SDK1: variants seen among roughly 807,000 people sequenced by gnomAD.
SDK1 encodes protein sidekick-1.
Under a neutral mutation model 245.5 loss-of-function variants are expected in SDK1, and 157 were observed. The ratio of observed to expected loss-of-function variants is 0.64; its 90% CI spans 0.56 to 0.73. The LOEUF is 0.73. Among genes scored for constraint, SDK1 ranks in the 30% least tolerant of loss-of-function variants. The pLI is 0.00. For missense variants in SDK1, 3,583 were observed against 3,002.3 expected (o/e 1.19, Z -4.52); for synonymous variants, 1,647 against 1,278.5 (o/e 1.29, Z -6.15).
intron 1 of SDK1, among the ~76,000 whole-genome samples, chr7:3,345,710 C>T (rs914787729): frequency 2.0e-5 from 3 of 152,220 alleles, no homozygotes; most frequent in Non-Finnish European, 4.4e-5. Flanking sequence ...CCAGGCGATG[C>T]CTTGCCGTCT....
chr7:4,204,017 C>G (rs1404702973), intron 35 of SDK1, among the ~76,000 whole-genome samples: 2 of 152,238 alleles, frequency 1.3e-5, no homozygotes, highest in African/African-American at 4.8e-5. Context: ...ACAGACCCAC[C>G]AGTTCCTACA....
chr7:3,508,861 T>C (rs1413745546), intron 1 of SDK1, among the ~76,000 whole-genome samples: 1 of 152,170 alleles, frequency 6.6e-6, no homozygotes, highest in Non-Finnish European at 1.5e-5. Context: ...TATTTGGGGA[T>C]GGATAAATGA....
chr7:3,998,898 C>G (rs955862772), intron 14 of SDK1, among the ~76,000 whole-genome samples: 8 of 152,172 alleles, frequency 5.3e-5, no homozygotes, highest in African/African-American at 1.9e-4. Context: ...CCATGTGTCC[C>G]TTTATGCCTT....
At chr7:4,195,865 A>C (rs7783393) in intron 35 of SDK1, among the ~76,000 whole-genome samples, 16,516 of 152,062 alleles carry the variant, frequency 0.11, 1,775 homozygotes, top group African/African-American at 0.28. Flanking sequence ...CAAGCCTGCT[A>C]ACATGTGCCC....
At position 3,680,355 on chromosome 7, in the gene SDK1, CAG is replaced by C. The variant is rs140184779; in HGVS notation, c.713+38251_713+38252del. 1.2e-3 allele frequency among the ~76,000 whole-genome samples: 179 copies of C among 152,206 alleles called. 1 individual carries two copies. The highest frequency in any genetic ancestry group is 4.2e-3 in the African/African-American group (174 of 41,520). The stretch of plus-strand genomic sequence containing the variant: ...TGGATGTGAATTTAGGTGGACAGCA[CAG>C]GGGATCTTTGTCGTGGTAGGACAGT... On this transcript the variant is annotated intron_variant, in intron 4 of 44. Coordinates refer to ENST00000404826, the MANE Select transcript of SDK1 (RefSeq NM_152744.4).
At chr7:4,209,916 GA>G in intron 37 of SDK1, 108 bp from the exon 38 acceptor site, 1 of 1,068,064 alleles carries the variant, frequency 9.4e-7, no homozygotes, top group South Asian at 2.3e-5. Flanking sequence ...TTACTGAGTT[GA>G]AAATAACATC....
intron 28 of SDK1, among the ~76,000 whole-genome samples, chr7:4,140,877 G>C (rs1359352967): frequency 6.6e-6 from 1 of 152,186 alleles, no homozygotes; most frequent in Non-Finnish European, 1.5e-5. Context: ...TGAGGCAGAA[G>C]GATCGCTTGA....
At chr7:3,742,930 C>T (rs1293981290) in intron 4 of SDK1, among the ~76,000 whole-genome samples, 3 of 152,130 alleles carry the variant, frequency 2.0e-5, no homozygotes, top group African/African-American at 7.2e-5. Context: ...GCAAATTGTA[C>T]GTCATCAGTG....
chr7:4,079,516 G>T lies in SDK1; in HGVS notation c.3256G>T (p.Ala1086Ser). ...LVISNISPRS[A>S]TLQFRPGYDG... is the part of the protein sequence containing the mutation. Reference sequence around the variant, plus strand: ...CATTTCCAACATCAGCCCTCGCTCCGCCACCCTTCAGTTCCGGCCAGGCTA... The same window carrying T: ...CATTTCCAACATCAGCCCTCGCTCCTCCACCCTTCAGTTCCGGCCAGGCTA... The change falls in exon 22 of 45, where the codon GCC becomes TCC. Residue 1086 changes from alanine (A) to serine (S), a missense_variant. Physicochemically the swap from Ala to Ser is moderately conservative, Grantham distance 99. Coordinates refer to ENST00000404826, the MANE Select transcript of SDK1 (RefSeq NM_152744.4). 6.2e-7 allele frequency: 1 copy of T among 1,614,128 alleles called. No homozygotes were observed. Among genetic ancestry groups the T allele is most frequent in the Non-Finnish European group, 8.5e-7 (1 of 1,180,032 alleles).
At chr7:3,819,281 TAAAAGA>T (rs1435591996) in intron 4 of SDK1, among the ~76,000 whole-genome samples, 11 of 151,788 alleles carry the variant, frequency 7.2e-5, no homozygotes, top group East Asian at 1.9e-4. Context: ...AATTAAAAAC[TAAAAGA>T]AAAAGATAAG....
At chr7:3,905,113 G>A (rs568753583) in intron 5 of SDK1, among the ~76,000 whole-genome samples, 59 of 151,642 alleles carry the variant, frequency 3.9e-4, no homozygotes, top group African/African-American at 1.4e-3. Context: ...AGTATAATCA[G>A]CACCTTTTTT....
chr7:3,633,789 A>G (rs1406866301), intron 2 of SDK1, among the ~76,000 whole-genome samples: 2 of 152,130 alleles, frequency 1.3e-5, no homozygotes, highest in East Asian at 1.9e-4. Context: ...GAGCTGTTGC[A>G]TGGATGGATA....
At chr7:3,343,300 C>G (rs547249498) in intron 1 of SDK1, among the ~76,000 whole-genome samples, 7 of 152,246 alleles carry the variant, frequency 4.6e-5, no homozygotes, top group African/African-American at 1.4e-4. Context: ...ATTATTGAAC[C>G]ACAGTACTTC....
intron 9 of SDK1, 78 bp from the exon 10 acceptor site, chr7:3,967,240 C>G (rs572794667): frequency 1.8e-6 from 2 of 1,100,998 alleles, no homozygotes; most frequent in East Asian, 2.4e-5. Context: ...CTCTAAAGCC[C>G]GTGCAGGATA....
chr7:3,486,770 C>G (rs937417550), intron 1 of SDK1, among the ~76,000 whole-genome samples: 1 of 151,916 alleles, frequency 6.6e-6, no homozygotes, highest in East Asian at 1.9e-4. Context: ...ATTTGGAAGA[C>G]TTGTATTTTT....
At chr7:3,812,914 C>G (rs1177886909) in intron 4 of SDK1, among the ~76,000 whole-genome samples, 1 of 152,140 alleles carries the variant, frequency 6.6e-6, no homozygotes, top group African/African-American at 2.4e-5. Context: ...GGTTTGAAAT[C>G]ACGAGAAACA....
At chr7:3,399,216 C>T (rs1778816062) in intron 1 of SDK1, among the ~76,000 whole-genome samples, 1 of 151,742 alleles carries the variant, frequency 6.6e-6, no homozygotes, top group Admixed American at 6.6e-5. Flanking sequence ...GGTCTTTTTT[C>T]TGCTCATTTT....
chr7:3,367,329 A>C (rs10262464), intron 1 of SDK1, among the ~76,000 whole-genome samples: 69,891 of 151,968 alleles, frequency 0.46, 17,708 homozygotes, highest in East Asian at 0.61. Flanking sequence ...AAAGCAAGGA[A>C]TAGAATAGAA....
intron 3 of SDK1, 37 bp from the exon 4 acceptor site, chr7:3,641,920 GT>G (rs1562624197): frequency 6.3e-7 from 1 of 1,584,200 alleles, no homozygotes; most frequent in Non-Finnish European, 8.6e-7. Flanking sequence ...CCCCAAAAAT[GT>G]TTTCTAGAAC....
Sources: gnomAD v4.1 joint callset for allele counts (sites outside exome capture counted in the v4.1 genomes callset) on GRCh38, gnomAD v4.1.1 for gene constraint, MANE v1.5 for transcripts, NCBI Gene and HGNC (gene_info 2026-07-23, HGNC 2026-07-21) for gene names.